Variants in VWC2L observed in about 807,000 individuals in gnomAD.
The protein encoded by VWC2L is von Willebrand factor C domain containing 2 like.
In VWC2L, 10 loss-of-function variants were observed where a neutral mutation model predicts 21.6. That is an observed-to-expected ratio of 0.46 (90% confidence interval 0.29 to 0.78). VWC2L has a LOEUF of 0.78. VWC2L is among the 30% of genes least tolerant of loss of function. The probability of loss-of-function intolerance (pLI) is 0.10; values close to 1 mark genes in which losing one functional copy is unlikely to be tolerated. For missense variants in VWC2L, 209 were observed against 277.1 expected, an observed-to-expected ratio of 0.75 and a Z score of 1.74; for synonymous variants, 96 against 94.3, an observed-to-expected ratio of 1.02 and a Z score of -0.10.
chr2:214,551,332 C>T (rs544202091), intron 3 of VWC2L, among the ~76,000 whole-genome samples: 183 of 152,194 alleles, frequency 1.2e-3, no homozygotes, highest in African/African-American at 3.8e-3. Flanking sequence ...TCTTCTTATT[C>T]GTATTTTAAG....
chr2:214,502,717 T>C (rs570043759), intron 3 of VWC2L, among the ~76,000 whole-genome samples: 1 of 152,362 alleles, frequency 6.6e-6, no homozygotes, highest in East Asian at 1.9e-4. Context: ...CTCCCCTCTA[T>C]TTTGTGTAAC....
intron 3 of VWC2L, among the ~76,000 whole-genome samples, chr2:214,539,290 T>C (rs1272411635): frequency 6.6e-6 from 1 of 152,140 alleles, no homozygotes; most frequent in Admixed American, 6.6e-5. Flanking sequence ...AATGTTCGAT[T>C]CAATCACAGA....
intron 3 of VWC2L, among the ~76,000 whole-genome samples, chr2:214,449,951 G>C (rs1000922123): frequency 6.6e-6 from 1 of 152,060 alleles, no homozygotes; most frequent in Admixed American, 6.6e-5. Context: ...GGCTAAGCTC[G>C]GTTACTTTCC....
chr2:214,520,544 C>T (rs148998877), intron 3 of VWC2L, among the ~76,000 whole-genome samples: 2 of 152,182 alleles, frequency 1.3e-5, no homozygotes, highest in African/African-American at 4.8e-5. Context: ...ATTACCAGGT[C>T]AAAAGGTAAA....
At chr2:214,457,950 G>C (rs950131507) in intron 3 of VWC2L, among the ~76,000 whole-genome samples, 2 of 152,056 alleles carry the variant, frequency 1.3e-5, no homozygotes, top group African/African-American at 4.8e-5. Context: ...TTCCTTGTCT[G>C]GTTTTGGTAT....
At chr2:214,560,762 A>G (rs1689954180) in intron 3 of VWC2L, among the ~76,000 whole-genome samples, 1 of 152,152 alleles carries the variant, frequency 6.6e-6, no homozygotes, top group Non-Finnish European at 1.5e-5. Context: ...TCCGAATGCC[A>G]AGTTTCACAC....
intron 3 of VWC2L, 71 bp from the exon 4 acceptor site, chr2:214,575,601 G>C (rs1264242281): frequency 1.2e-5 from 18 of 1,555,554 alleles, no homozygotes; most frequent in Non-Finnish European, 1.5e-5. Flanking sequence ...TTTGGGGCTT[G>C]GGTTTGGATG....
At chr2:214,536,638 T>G (rs1445765158) in intron 3 of VWC2L, 1 of 152,008 alleles carries the variant, frequency 6.6e-6, no homozygotes, top group Non-Finnish European at 1.5e-5. Flanking sequence ...AGCATTAATC[T>G]TATGTTCTTA....
chr2:214,487,972 A>T (rs1456154167), intron 3 of VWC2L, among the ~76,000 whole-genome samples: 1 of 152,174 alleles, frequency 6.6e-6, no homozygotes, highest in Non-Finnish European at 1.5e-5. Context: ...GGGTTCATTG[A>T]TACTGTTGCT....
At chr2:214,436,296 GA>G in intron 2 of VWC2L, 1 of 152,264 alleles carries the variant, frequency 6.6e-6, no homozygotes, top group Non-Finnish European at 1.3e-5. Context: ...TTTACGAGAG[GA>G]GGTCAGAGCA....
intron 3 of VWC2L, among the ~76,000 whole-genome samples, chr2:214,535,118 G>A (rs1468394073): frequency 2.0e-5 from 3 of 152,000 alleles, no homozygotes; most frequent in Non-Finnish European, 4.4e-5. Flanking sequence ...CCTCCAAGCT[G>A]GAAACATTTT....
At chr2:214,552,787 C>T (rs567902566) in intron 3 of VWC2L, among the ~76,000 whole-genome samples, 1 of 152,208 alleles carries the variant, frequency 6.6e-6, no homozygotes, top group South Asian at 2.1e-4. Context: ...TAAAATGATG[C>T]CTCAAGAGCA....
At chr2:214,525,062 CACACACACACACACACAT>C (rs1445429974) in intron 3 of VWC2L, 5 of 115,086 alleles carry the variant, frequency 4.3e-5, no homozygotes, top group African/African-American at 1.5e-4. Flanking sequence ...CACACACACA[CACACACACACACACACAT>C]ACACTTTTAA....
At chr2:214,416,088 C>T (rs1702350646) in intron 2 of VWC2L, among the ~76,000 whole-genome samples, 1 of 151,990 alleles carries the variant, frequency 6.6e-6, no homozygotes, top group Non-Finnish European at 1.5e-5. Context: ...GCATTTATAT[C>T]TAGACTAGAA....
At position 214,566,447 on chromosome 2, in the gene VWC2L, C is replaced by G. The variant is rs186712825; in HGVS notation, c.521-9225C>G. Among the ~76,000 whole-genome samples, 5 of 152,324 alleles carry G rather than the reference C, an allele frequency of 3.3e-5. No individual in the cohort carries two copies. In the South Asian group the frequency reaches 1.0e-3, roughly 32 times the overall value. On this transcript the variant is annotated intron_variant, in intron 3 of 3. Transcript: ENST00000312504. ...ACATACTTAAGGGCCAGAAAACTCT[C>G]TAGAGCTCTCAGACTGAAATTTGTG...
chr2:214,417,681 G>A (rs558677154), intron 2 of VWC2L, among the ~76,000 whole-genome samples: 1 of 152,260 alleles, frequency 6.6e-6, no homozygotes, highest in Admixed American at 6.5e-5. Flanking sequence ...TCAGATATGT[G>A]TCGGTGGAGA....
At chr2:214,520,058 TACACACACACACAC>T (rs60850327) in intron 3 of VWC2L, among the ~76,000 whole-genome samples, 3 of 143,150 alleles carry the variant, frequency 2.1e-5, no homozygotes, top group South Asian at 2.3e-4. Flanking sequence ...GCTCCTGTTA[TACACACACACACAC>T]ACACACACAC....
intron 3 of VWC2L, among the ~76,000 whole-genome samples, chr2:214,561,356 A>T (rs1689967528): frequency 6.6e-6 from 1 of 152,214 alleles, no homozygotes; most frequent in South Asian, 2.1e-4. Flanking sequence ...CTGTCATCTC[A>T]TCCTTCCATA....
chr2:214,477,913 CAG>C (rs1446851080), intron 3 of VWC2L, among the ~76,000 whole-genome samples: 1 of 152,152 alleles, frequency 6.6e-6, no homozygotes, highest in Non-Finnish European at 1.5e-5. Flanking sequence ...TCACAGCTAA[CAG>C]AGATTATGAA....
Sources: gnomAD v4.1 joint callset for allele counts (sites outside exome capture counted in the v4.1 genomes callset) on GRCh38, gnomAD v4.1.1 for gene constraint, MANE v1.5 for transcripts, NCBI Gene and HGNC (gene_info 2026-07-23, HGNC 2026-07-21) for gene names.